Variants in RAB30 observed in about 807,000 individuals in gnomAD.
RAB30 encodes RAB30, member RAS oncogene family.
In RAB30, 9 loss-of-function variants were observed where a neutral mutation model predicts 25.1. The ratio of observed to expected loss-of-function variants is 0.36; its 90% CI spans 0.22 to 0.63. The LOEUF is 0.63. RAB30 is among the 20% of genes least tolerant of loss of function. The pLI is 0.69. For missense variants in RAB30, 140 were observed against 243.5 expected, an observed-to-expected ratio of 0.58 and a Z score of 2.83; for synonymous variants, 77 against 86.4, an observed-to-expected ratio of 0.89 and a Z score of 0.60.
At chr11:83,002,254 T>C (rs1162989899) in intron 1 of RAB30, among the ~76,000 whole-genome samples, 1 of 152,150 alleles carries the variant, frequency 6.6e-6, no homozygotes, top group Non-Finnish European at 1.5e-5. Flanking sequence ...ACACCCACAC[T>C]GATGGAGCCA....
intron 1 of RAB30, among the ~76,000 whole-genome samples, chr11:83,005,333 G>T (rs1427131124): frequency 1.3e-5 from 2 of 152,166 alleles, no homozygotes; most frequent in Non-Finnish European, 2.9e-5. Flanking sequence ...TGGCCATTTG[G>T]ACCATGATTT....
At chr11:83,044,280 C>T (rs1858191591) in intron 1 of RAB30, among the ~76,000 whole-genome samples, 1 of 152,156 alleles carries the variant, frequency 6.6e-6, no homozygotes, top group African/African-American at 2.4e-5. Context: ...TATTCACAAC[C>T]TAATGAAAGC....
chr11:83,009,779 A>G (rs11233412), intron 1 of RAB30, among the ~76,000 whole-genome samples: 5,357 of 152,296 alleles, frequency 0.035, 331 homozygotes, highest in African/African-American at 0.12. Context: ...ACTTTCCTCA[A>G]TAGCAACTTT....
At chr11:83,032,640 T>C (rs994592699) in intron 1 of RAB30, among the ~76,000 whole-genome samples, 4 of 152,250 alleles carry the variant, frequency 2.6e-5, no homozygotes, top group African/African-American at 9.6e-5. Context: ...ACAATTTTTA[T>C]GTTCTTCTTT....
chr11:82,982,395 C>T lies in RAB30; in HGVS notation c.382G>A (p.Glu128Lys). Reference sequence around the variant, plus strand: ...CGCTGCTGGGAAACCTCTCTCCTTTCAGCCAGGTCAATCTTGTTGCCTATA... The same window carrying T: ...CGCTGCTGGGAAACCTCTCTCCTTTTAGCCAGGTCAATCTTGTTGCCTATA... ...VLVGNKIDLA[E>K]RREVSQQRAE... is the part of the protein sequence containing the mutation. Residue 128 changes from glutamate to lysine, a missense_variant, in exon 5 of 5, where the codon GAA (glutamate) becomes AAA (lysine). By Grantham distance (56) the Glu-to-Lys change is moderately conservative (BLOSUM62 1). Coordinates refer to ENST00000527633, the MANE Select transcript of RAB30 (RefSeq NM_001286060.2). 6.2e-7 allele frequency: 1 copy of T among 1,613,800 alleles called. No individual in the cohort carries two copies. The highest frequency in any genetic ancestry group is 8.5e-7 in the Non-Finnish European group (1 of 1,179,996).
At chr11:83,002,361 T>C (rs1857104393) in intron 1 of RAB30, among the ~76,000 whole-genome samples, 1 of 152,148 alleles carries the variant, frequency 6.6e-6, no homozygotes, top group Non-Finnish European at 1.5e-5. Context: ...TGCATCACTC[T>C]CACAATTCAG....
At chr11:83,000,297 A>G (rs920712843) in intron 1 of RAB30, among the ~76,000 whole-genome samples, 12 of 152,224 alleles carry the variant, frequency 7.9e-5, no homozygotes, top group Non-Finnish European at 1.8e-4. Flanking sequence ...GAATTACATG[A>G]TGAAGGCAAG....
At chr11:83,035,552 C>T (rs1039231973) in intron 1 of RAB30, 3 of 152,490 alleles carry the variant, frequency 2.0e-5, no homozygotes, top group Middle Eastern at 6.7e-3. Context: ...CAAGCAGCAA[C>T]CTCTTCCTCA....
At chr11:83,025,853 T>C (rs992694835) in intron 1 of RAB30, among the ~76,000 whole-genome samples, 3 of 152,110 alleles carry the variant, frequency 2.0e-5, no homozygotes, top group Admixed American at 1.3e-4. Context: ...AAATAAAATA[T>C]ATACATAGGT....
chr11:82,994,191 C>A (rs1249260658), intron 2 of RAB30, 69 bp from the exon 3 acceptor site: 19 of 1,268,914 alleles, frequency 1.5e-5, no homozygotes, highest in Non-Finnish European at 1.9e-5. Flanking sequence ...TCTCCTCTCC[C>A]CCAGCAACAC....
intron 1 of RAB30, among the ~76,000 whole-genome samples, chr11:83,027,982 A>G (rs1486092374): frequency 6.6e-6 from 1 of 152,148 alleles, no homozygotes; most frequent in Non-Finnish European, 1.5e-5. Flanking sequence ...CCTCTTAATC[A>G]GGAGCAACAC....
rs35412067 is a variant in RAB30, at chr11:83,041,871, G to A, written c.-9+29820C>T. On this transcript the variant is annotated intron_variant, in intron 1 of 4. Coordinates refer to ENST00000527633, the MANE Select transcript of RAB30 (RefSeq NM_001286060.2). ...AGCCTGGCCAACATGGTGAAACACT[G>A]TCTCTAGTAAAAATACAAAAATTAG... 9.3e-3 allele frequency among the ~76,000 whole-genome samples: 1,417 copies of A among 151,804 alleles called. 11 individuals carry two copies. Among genetic ancestry groups the A allele is most frequent in the Non-Finnish European group, 0.015 (1,002 of 67,912 alleles).
Position 82,978,950 on chromosome 11 carries a change from G to A in RAB30, c.*3215C>T, listed in dbSNP as rs891164083. The A allele has an allele frequency of 6.6e-6, 1 of 152,046 alleles. No homozygotes were observed. The highest frequency in any genetic ancestry group is 1.5e-5 in the Non-Finnish European group (1 of 68,020). 9.4% of individuals were successfully genotyped at this position (152,046 alleles called of 1,614,324 possible). A position where few individuals can be genotyped will look rare whatever the true frequency, so the allele number is the denominator to read the frequency against. ...TTTCTTGCCACTTTACTCAGGGAGA[G>A]ATAAAAACGTGAAATGATTAAAAGA... On this transcript the variant is annotated 3_prime_UTR_variant, in exon 5 of 5. Coordinates refer to ENST00000527633, the MANE Select transcript of RAB30 (RefSeq NM_001286060.2).
intron 1 of RAB30, among the ~76,000 whole-genome samples, chr11:83,063,473 T>C (rs1205193604): frequency 6.6e-6 from 1 of 152,238 alleles, no homozygotes; most frequent in Non-Finnish European, 1.5e-5. Context: ...GCTTTATTGT[T>C]TCAGTTCACT....
chr11:82,987,636 C>T lies in RAB30; in HGVS notation c.312G>A (p.Leu104=), dbSNP rs1856762694. The T allele has an allele frequency of 6.2e-7, 1 of 1,613,842 alleles. No individual in the cohort carries two copies. Among genetic ancestry groups the T allele is most frequent in the Non-Finnish European group, 8.5e-7 (1 of 1,179,856 alleles). ...EESFRCLPEW[L]REIEQYASNK... is the part of the protein sequence containing the mutation. ...TGCTGGCATATTGTTCTATCTCCCGCAGCCACTCAGGAAGGCAACGGAAGG... is the reference window on the plus strand; with the variant it reads ...TGCTGGCATATTGTTCTATCTCCCGTAGCCACTCAGGAAGGCAACGGAAGG... The change falls in exon 4 of 5, where the codon CTG becomes CTA. Residue 104 remains leucine (L), a synonymous_variant. Transcript: ENST00000527633.
At chr11:83,029,366 C>T (rs1456569470) in intron 1 of RAB30, among the ~76,000 whole-genome samples, 1 of 151,480 alleles carries the variant, frequency 6.6e-6, no homozygotes, top group African/African-American at 2.4e-5. Flanking sequence ...TATCCCTTTC[C>T]CCCCCTATTT....
chr11:82,982,506 G>T, intron 4 of RAB30, 91 bp from the exon 5 acceptor site: 1 of 1,366,844 alleles, frequency 7.3e-7, no homozygotes, highest in Non-Finnish European at 1.0e-6. Context: ...CTGAAGTCAA[G>T]CCAGACAGAT....
rs543373035 is a variant in RAB30 at position 83,058,369 on chromosome 11, C to G, written c.-9+13322G>C. ...AAATAAAATAAAATTTCTCTAATATCCAATCCAGGATCATATGTTACATTT... is the reference window on the plus strand; with the variant it reads ...AAATAAAATAAAATTTCTCTAATATGCAATCCAGGATCATATGTTACATTT... On this transcript the variant is annotated intron_variant, in intron 1 of 4. Coordinates refer to ENST00000527633, the MANE Select transcript of RAB30 (RefSeq NM_001286060.2). 7.4e-4 allele frequency among the ~76,000 whole-genome samples: 113 copies of G among 152,316 alleles called. 1 individual carries two copies. Among genetic ancestry groups the G allele is most frequent in the African/African-American group, 2.6e-3 (108 of 41,568 alleles).
chr11:83,067,287 G>A (rs147216915), intron 1 of RAB30, among the ~76,000 whole-genome samples: 73 of 152,178 alleles, frequency 4.8e-4, no homozygotes, highest in Middle Eastern at 3.4e-3. Context: ...GTATACTGTT[G>A]TTTTCCATGC....
Sources: allele counts gnomAD v4.1 joint callset (sites outside exome capture counted in the v4.1 genomes callset), GRCh38; gene constraint gnomAD v4.1.1; transcripts MANE v1.5; gene names NCBI Gene and HGNC (gene_info 2026-07-23, HGNC 2026-07-21).